Variants in SFI1 observed in about 807,000 individuals in gnomAD.
The protein encoded by SFI1 is protein SFI1 homolog.
A neutral mutation model predicts 207.5 loss-of-function variants in SFI1; 195 were observed. The observed-to-expected ratio is 0.94, with a 90% CI of 0.84 to 1.06. The LOEUF is 1.06. Among genes scored for constraint, SFI1 ranks in the 50% least tolerant of loss-of-function variants. SFI1 has a pLI of 0.00. For missense variants in SFI1, 1,634 were observed against 1,588.0 expected, an observed-to-expected ratio of 1.03 and a Z score of -0.49; for synonymous variants, 630 against 598.9, an observed-to-expected ratio of 1.05 and a Z score of -0.76.
intron 27 of SFI1, chr22:31,614,436 G>C (rs1404983664): frequency 2.3e-6 from 1 of 439,738 alleles, no homozygotes; most frequent in Non-Finnish European, 4.4e-6. Flanking sequence ...TGGGGCCTGG[G>C]TCCCGGTCCC....
intron 6 of SFI1, among the ~76,000 whole-genome samples, chr22:31,550,911 G>A (rs1206901658): frequency 6.6e-6 from 1 of 152,190 alleles, no homozygotes; most frequent in African/African-American, 2.4e-5. Flanking sequence ...AACTCTGCAA[G>A]TCACAAGTAC....
intron 18 of SFI1, 110 bp from the exon 19 acceptor site, chr22:31,604,199 G>T: frequency 1.2e-6 from 1 of 822,868 alleles, no homozygotes; most frequent in Non-Finnish European, 2.0e-6. Context: ...GATGAGGCCA[G>T]AGAGGTTAAT....
intron 4 of SFI1, among the ~76,000 whole-genome samples, chr22:31,540,512 C>T (rs977732704): frequency 6.6e-6 from 1 of 151,578 alleles, no homozygotes. Flanking sequence ...GAACTCCTGA[C>T]CTTGTGATCC....
rs375058536 is a variant in SFI1 at position 31,550,257 on chromosome 22, T to C, written c.453T>C (p.Tyr151=). Residue 151 remains tyrosine, a synonymous_variant, in exon 6 of 33, where the codon TAT becomes TAC. Transcript: ENST00000400288. ...TTTACTTTTTTTGGCTCCTCAGGTA[T>C]TACCTGTACAACCTGATGTTCCAGA... ...LCVRADCHYR[Y]YLYNLMFQTW... 3.7e-6 allele frequency: 6 copies of C among 1,613,144 alleles called. No individual in the cohort carries two copies. In the African/African-American group the frequency reaches 6.7e-5, roughly 18 times the overall value.
chr22:31,497,619 T>C (rs111281097), intron 1 of SFI1, among the ~76,000 whole-genome samples: 4,453 of 152,192 alleles, frequency 0.029, 110 homozygotes, highest in South Asian at 0.079. Flanking sequence ...AAGTGTTCAG[T>C]GAAAGGAAGA....
intron 3 of SFI1, chr22:31,530,511 A>AAAAAAAAAAAC (rs1569229057): frequency 3.9e-5 from 13 of 329,398 alleles, no homozygotes; most frequent in African/African-American, 1.3e-4. Flanking sequence ...AAAAAAAAAA[A>AAAAAAAAAAAC]AAGACAAGCC....
intron 6 of SFI1, among the ~76,000 whole-genome samples, chr22:31,551,410 C>T (rs890972493): frequency 2.6e-5 from 4 of 152,178 alleles, no homozygotes; most frequent in Non-Finnish European, 4.4e-5. Context: ...AGTGATCTTT[C>T]CCCTGTCTGT....
intron 6 of SFI1, among the ~76,000 whole-genome samples, chr22:31,555,772 G>A (rs1355063989): frequency 2.6e-5 from 4 of 152,112 alleles, no homozygotes; most frequent in Admixed American, 1.3e-4. Context: ...CTAAACCACA[G>A]CACTATACTA....
intron 4 of SFI1, among the ~76,000 whole-genome samples, chr22:31,543,702 C>T (rs1029875237): frequency 1.3e-5 from 2 of 151,476 alleles, no homozygotes; most frequent in African/African-American, 4.9e-5. Context: ...CCCAGCTACT[C>T]TGGAGGCTGA....
intron 9 of SFI1, 111 bp from the exon 10 acceptor site, chr22:31,575,119 TG>T: frequency 1.7e-6 from 1 of 596,926 alleles, no homozygotes; most frequent in South Asian, 2.2e-5. Flanking sequence ...TGTGTGTGTG[TG>T]TGGCCTTGAA....
chr22:31,593,027 T>TG lies in SFI1; in HGVS notation c.1544+3456dup, dbSNP rs1167013111. Among the ~76,000 whole-genome samples the TG allele has an allele frequency of 2.1e-4, 10 of 46,958 alleles. No homozygotes were observed. The South Asian group carries it at 7.9e-3, about 37-fold the overall frequency. The allele number at this position is 46,958 out of a possible 152,430, so 30.8% of individuals were successfully genotyped here. On this transcript the variant is annotated intron_variant, in intron 15 of 32. Transcript: ENST00000400288. ...CTCCCGGACGGCACGGCTGGCCAGG[T>TG]GGGGGGCTGACCCCCCCACCTCCCT...
chr22:31,550,172 A>G (rs1297589866), intron 5 of SFI1, 82 bp from the exon 6 acceptor site: 1 of 1,028,206 alleles, frequency 9.7e-7, no homozygotes, highest in Non-Finnish European at 1.5e-6. Context: ...TGGCCTCCCA[A>G]AGTGCTAGGG....
At chr22:31,614,905 G>A (rs776686898) in intron 28 of SFI1, 45 bp downstream of exon 28, 258 of 1,606,530 alleles carry the variant, frequency 1.6e-4, no homozygotes, top group Middle Eastern at 3.3e-4. Flanking sequence ...GAGATGGTCA[G>A]GGGTCCCCAA....
chr22:31,569,292 G>T (rs2062709787), intron 8 of SFI1, among the ~76,000 whole-genome samples: 1 of 152,134 alleles, frequency 6.6e-6, no homozygotes, highest in Admixed American at 6.6e-5. Context: ...AACAATCTTG[G>T]CATTGCTACA....
chr22:31,542,786 C>A (rs887312989), intron 4 of SFI1, among the ~76,000 whole-genome samples: 1 of 150,830 alleles, frequency 6.6e-6, no homozygotes. Flanking sequence ...CTCAGCCTCC[C>A]AAGTAGCTGG....
intron 1 of SFI1, among the ~76,000 whole-genome samples, chr22:31,503,493 G>A (rs924310853): frequency 2.0e-5 from 3 of 151,050 alleles, no homozygotes; most frequent in Non-Finnish European, 4.4e-5. Context: ...CTTATGGTTC[G>A]TTCCTTTGTA....
chr22:31,519,293 C>T (rs2056915693), intron 2 of SFI1, among the ~76,000 whole-genome samples: 2 of 144,862 alleles, frequency 1.4e-5, no homozygotes, highest in African/African-American at 5.1e-5. Context: ...TTTTTTGATA[C>T]AGGGTCTTGC....
intron 2 of SFI1, among the ~76,000 whole-genome samples, chr22:31,518,493 A>G (rs1321820097): frequency 1.3e-5 from 2 of 152,208 alleles, no homozygotes; most frequent in African/African-American, 4.8e-5. Flanking sequence ...TTATAGAAAT[A>G]TAGAGTTGAC....
intron 1 of SFI1, among the ~76,000 whole-genome samples, chr22:31,499,299 A>C (rs1385883850): frequency 6.6e-6 from 1 of 152,010 alleles, no homozygotes; most frequent in Non-Finnish European, 1.5e-5. Context: ...GGTTCAAGTG[A>C]TTCTTCTGCC....
Sources: gnomAD v4.1 joint callset for allele counts (sites outside exome capture counted in the v4.1 genomes callset) on GRCh38, gnomAD v4.1.1 for gene constraint, MANE v1.5 for transcripts, NCBI Gene and HGNC (gene_info 2026-07-23, HGNC 2026-07-21) for gene names.